The following CCDC148 variants were observed in gnomAD, a reference collection of about 807,000 sequenced individuals.
CCDC148 encodes the protein coiled-coil domain containing 148.
Under a neutral mutation model 85.7 loss-of-function variants are expected in CCDC148, and 89 were observed. The ratio of observed to expected loss-of-function variants is 1.04; its 90% CI spans 0.87 to 1.24. CCDC148 has a LOEUF of 1.24. Among genes scored for constraint, CCDC148 ranks in the 50% most tolerant of loss-of-function variants. CCDC148 has a pLI of 0.00. For synonymous variants in CCDC148, 230 were observed against 213.9 expected, an observed-to-expected ratio of 1.08 and a Z score of -0.66; for missense variants, 692 against 671.7, an observed-to-expected ratio of 1.03 and a Z score of -0.33.
At chr2:158,359,016 A>G (rs1479389310) in intron 1 of CCDC148, among the ~76,000 whole-genome samples, 1 of 152,150 alleles carries the variant, frequency 6.6e-6, no homozygotes. Flanking sequence ...AATCTAAATA[A>G]TTTTAACTAA....
chr2:158,452,704 G>C (rs961413626), intron 1 of CCDC148, among the ~76,000 whole-genome samples: 2 of 152,202 alleles, frequency 1.3e-5, no homozygotes, highest in Non-Finnish European at 2.9e-5. Flanking sequence ...TGGCTACATG[G>C]CTCAGGTCTC....
At chr2:158,400,501 C>A (rs1299962870) in intron 1 of CCDC148, among the ~76,000 whole-genome samples, 1 of 152,068 alleles carries the variant, frequency 6.6e-6, no homozygotes, top group Non-Finnish European at 1.5e-5. Flanking sequence ...AACCGGCTAA[C>A]CATATGCAGA....
intron 1 of CCDC148, among the ~76,000 whole-genome samples, chr2:158,441,837 T>C (rs1262482381): frequency 6.6e-6 from 1 of 152,200 alleles, no homozygotes; most frequent in East Asian, 1.9e-4. Context: ...TGTGCAATAT[T>C]ATTTTCTAAG....
chr2:158,233,495 T>C (rs1687952647), intron 10 of CCDC148, among the ~76,000 whole-genome samples: 1 of 151,018 alleles, frequency 6.6e-6, no homozygotes, highest in African/African-American at 2.4e-5. Flanking sequence ...TTGTATCTAG[T>C]ATTGCACCTT....
At chr2:158,429,569 A>G (rs554919885) in intron 1 of CCDC148, among the ~76,000 whole-genome samples, 1 of 152,320 alleles carries the variant, frequency 6.6e-6, no homozygotes, top group South Asian at 2.1e-4. Flanking sequence ...AGAAAGAAGG[A>G]GCCAATAACA....
chr2:158,352,410 C>G (rs561187178), intron 2 of CCDC148, among the ~76,000 whole-genome samples: 1 of 152,002 alleles, frequency 6.6e-6, no homozygotes, highest in Non-Finnish European at 1.5e-5. Flanking sequence ...AACCAAGGCT[C>G]GAGAACTACG....
At chr2:158,319,050 GC>G (rs1692411267) in intron 7 of CCDC148, among the ~76,000 whole-genome samples, 1 of 152,260 alleles carries the variant, frequency 6.6e-6, no homozygotes, top group East Asian at 1.9e-4. Flanking sequence ...ACAGGCATAA[GC>G]CACAGCACCT....
chr2:158,439,725 T>C (rs958083562), intron 1 of CCDC148, among the ~76,000 whole-genome samples: 8 of 152,178 alleles, frequency 5.3e-5, no homozygotes, highest in Non-Finnish European at 1.0e-4. Flanking sequence ...TTTGATCATA[T>C]GCTTCACAAT....
chr2:158,420,209 C>T (rs959769157), intron 1 of CCDC148: 6 of 152,168 alleles, frequency 3.9e-5, no homozygotes, highest in Non-Finnish European at 1.5e-5. Flanking sequence ...CCCAACCTAG[C>T]AAGGCAGGCC....
chr2:158,324,446 A>C (rs1692670135), intron 7 of CCDC148, among the ~76,000 whole-genome samples: 1 of 152,126 alleles, frequency 6.6e-6, no homozygotes, highest in South Asian at 2.1e-4. Flanking sequence ...CACTGTGTGG[A>C]TATATCATAC....
intron 11 of CCDC148, among the ~76,000 whole-genome samples, chr2:158,193,367 C>T (rs1401880288): frequency 6.6e-6 from 1 of 152,054 alleles, no homozygotes; most frequent in Non-Finnish European, 1.5e-5. Context: ...CACTCATGGA[C>T]CACAGGAAGA....
intron 9 of CCDC148, among the ~76,000 whole-genome samples, chr2:158,262,774 C>T (rs533427578): frequency 1.3e-5 from 2 of 152,090 alleles, no homozygotes; most frequent in East Asian, 3.9e-4. Flanking sequence ...ATGATCCAAT[C>T]ACCTTCCACC....
At chr2:158,271,028 A>G (rs940559329) in intron 9 of CCDC148, among the ~76,000 whole-genome samples, 2 of 152,214 alleles carry the variant, frequency 1.3e-5, no homozygotes, top group African/African-American at 4.8e-5. Context: ...GGAAAATTCT[A>G]TAAATAATTG....
intron 9 of CCDC148, among the ~76,000 whole-genome samples, chr2:158,292,992 T>G (rs1176138605): frequency 6.6e-6 from 1 of 152,236 alleles, no homozygotes; most frequent in Non-Finnish European, 1.5e-5. Flanking sequence ...GTACCCATTA[T>G]GGATCAGGAT....
At chr2:158,315,681 G>A (rs1574608471) in intron 7 of CCDC148, among the ~76,000 whole-genome samples, 1 of 151,876 alleles carries the variant, frequency 6.6e-6, no homozygotes, top group Non-Finnish European at 1.5e-5. Flanking sequence ...TCCCATCACC[G>A]AGATGCTGTG....
chr2:158,411,854 A>G (rs1686273717), intron 1 of CCDC148, among the ~76,000 whole-genome samples: 2 of 152,096 alleles, frequency 1.3e-5, no homozygotes, highest in Non-Finnish European at 2.9e-5. Flanking sequence ...TTCACCTGCA[A>G]GTGTCTGTAA....
At chr2:158,399,412 A>C (rs1031998781) in intron 1 of CCDC148, among the ~76,000 whole-genome samples, 4 of 152,202 alleles carry the variant, frequency 2.6e-5, no homozygotes, top group African/African-American at 9.6e-5. Flanking sequence ...GCAGTACATC[A>C]AAAAGCTTAT....
chr2:158,427,627 T>C (rs1687136048), intron 1 of CCDC148, among the ~76,000 whole-genome samples: 2 of 151,958 alleles, frequency 1.3e-5, no homozygotes, highest in South Asian at 2.1e-4. Flanking sequence ...CCCAACACTT[T>C]AGGGGGCTGA....
At position 158,326,404 on chromosome 2, in the gene CCDC148, G is replaced by C. The variant is rs184510208; in HGVS notation, c.764+12322C>G. Among the ~76,000 whole-genome samples, 7 of 152,068 alleles carry C rather than the reference G, an allele frequency of 4.6e-5. No homozygotes were observed. In the South Asian group the frequency reaches 8.3e-4, roughly 18 times the overall value. ...GCACTTATCACCTTCTAACACTACT[G>C]TGTATAATATACTTATGTATTATGT... On this transcript the variant is annotated intron_variant, in intron 7 of 13. Coordinates refer to ENST00000283233, the MANE Select transcript of CCDC148 (RefSeq NM_138803.4).
Sources: allele counts gnomAD v4.1 joint callset (sites outside exome capture counted in the v4.1 genomes callset), GRCh38; gene constraint gnomAD v4.1.1; transcripts MANE v1.5; gene names NCBI Gene and HGNC (gene_info 2026-07-23, HGNC 2026-07-21).